The following CCDC117 variants were observed in gnomAD, a reference collection of about 807,000 sequenced individuals.
CCDC117 encodes coiled-coil domain containing 117, also known as coiled-coil domain-containing protein 117.
Under a neutral mutation model 23.5 loss-of-function variants are expected in CCDC117, and 1 was observed. That is an observed-to-expected ratio of 0.04 (90% CI 0.02 to 0.20). CCDC117 has a LOEUF of 0.20. Ranked by LOEUF, CCDC117 falls within the 10% of genes least tolerant of loss-of-function variation. The probability of loss-of-function intolerance (pLI) is 1.00; values close to 1 mark genes in which losing one functional copy is unlikely to be tolerated. For synonymous variants in CCDC117, 132 were observed against 124.8 expected (o/e 1.06, Z -0.39); for missense variants, 383 against 348.2 (o/e 1.10, Z -0.80).
chr22:28,786,333 A>G lies in CCDC117; in HGVS notation c.*7A>G, dbSNP rs377126733. The G allele has an allele frequency of 2.7e-5, 43 of 1,579,222 alleles. No individual in the cohort carries two copies. Among genetic ancestry groups the G allele is most frequent in the African/African-American group, 1.1e-4 (8 of 73,962 alleles). ...AGAAGAGATGGAACTCTAGAAACCA[A>G]TTTCTACACTAAAGTTGTCAAATGT... On this transcript the variant is annotated 3_prime_UTR_variant, in exon 5 of 5. Transcript: ENST00000249064.
Position 28,783,580 on chromosome 22 carries a change from T to C in CCDC117, c.537T>C (p.Asp179=). The C allele has an allele frequency of 6.2e-7, 1 of 1,613,700 alleles. No homozygotes were observed. Among genetic ancestry groups the C allele is most frequent in the South Asian group, 1.1e-5 (1 of 91,080 alleles). The change falls in exon 4 of 5, where the codon GAT becomes GAC. Residue 179 remains aspartate (D), a synonymous_variant. Transcript: ENST00000249064. ...ATCTCCCCAGTCTTGTCCTTTCTGATACCATGAAAACAGGTTTGAAGAGGG... is the reference window on the plus strand; with the variant it reads ...ATCTCCCCAGTCTTGTCCTTTCTGACACCATGAAAACAGGTTTGAAGAGGG... ...VNHLPSLVLS[D]TMKTGLKREF...
At chr22:28,773,319 C>G (rs527987247) in intron 1 of CCDC117, 14 of 174,918 alleles carry the variant, frequency 8.0e-5, no homozygotes. Context: ...GGAACCTGGG[C>G]GACTCGGTCT....
intron 2 of CCDC117, among the ~76,000 whole-genome samples, chr22:28,776,573 A>G (rs547370922): frequency 1.0e-4 from 15 of 148,746 alleles, no homozygotes; most frequent in Non-Finnish European, 1.9e-4. Flanking sequence ...GGCGCGTGCC[A>G]CCATGCCCAG....
At chr22:28,773,428 T>A (rs1370255626) in intron 1 of CCDC117, 1 of 375,054 alleles carries the variant, frequency 2.7e-6, no homozygotes, top group African/African-American at 2.0e-5. Flanking sequence ...CTTAGTGAGA[T>A]TATTTAAATA....
Position 28,787,423 on chromosome 22 carries a change from G to A in CCDC117, c.*1097G>A, listed in dbSNP as rs2031550565. On this transcript the variant is annotated 3_prime_UTR_variant, in exon 5 of 5. Transcript: ENST00000249064. ...CAAAATGCTGGGATTACAGGCGTGA[G>A]CCACGGCACGCAGCCAGCAAGTTGT... is the stretch of plus-strand genomic sequence containing the variant. 2 of 152,234 alleles carry A rather than the reference G, an allele frequency of 1.3e-5. No individual in the cohort carries two copies. The highest frequency in any genetic ancestry group is 4.8e-5 in the African/African-American group (2 of 41,468). 9.4% of individuals were successfully genotyped at this position (152,234 alleles called of 1,614,324 possible).
Position 28,783,602 on chromosome 22 carries a change from A to G in CCDC117, c.559A>G (p.Arg187Gly). ...TGATACCATGAAAACAGGTTTGAAG[A>G]GGGAATTTGATGAAGTTTTTACAAA... ...LSDTMKTGLKREFDEVFTKKM... is the reference protein window; with the variant it reads ...LSDTMKTGLKGEFDEVFTKKM... Residue 187 changes from arginine to glycine, a missense_variant, in exon 4 of 5, where the codon AGG becomes GGG. By Grantham distance (125) the Arg-to-Gly change is moderately radical. Transcript: ENST00000249064. 6.2e-7 allele frequency: 1 copy of G among 1,613,862 alleles called. No individual in the cohort carries two copies. Among genetic ancestry groups the G allele is most frequent in the Non-Finnish European group, 8.5e-7 (1 of 1,179,854 alleles).
intron 3 of CCDC117, among the ~76,000 whole-genome samples, 161 bp downstream of exon 3, chr22:28,781,333 T>TTG (rs2031315927): frequency 1.0e-4 from 4 of 39,832 alleles, no homozygotes; most frequent in South Asian, 2.5e-3. Flanking sequence ...TTTTTTTGTT[T>TTG]TGTTTTTTTT....
chr22:28,777,199 G>C (rs2031190088), intron 2 of CCDC117, among the ~76,000 whole-genome samples: 1 of 151,682 alleles, frequency 6.6e-6, no homozygotes, highest in Non-Finnish European at 1.5e-5. Flanking sequence ...ATAATTTTTT[G>C]TATCTTTGGT....
chr22:28,775,648 C>T (rs760043363), intron 2 of CCDC117, among the ~76,000 whole-genome samples: 81 of 152,100 alleles, frequency 5.3e-4, no homozygotes, highest in Non-Finnish European at 9.6e-4. Context: ...CCTGTAATCC[C>T]GGCACTTTGG....
rs180700061 is a variant in CCDC117 at position 28,786,880 on chromosome 22, T to G, written c.*554T>G. Reference sequence around the variant, plus strand: ...TTTAGTTATCAATTCAATATAGCTCTGTTGATTAAATAGCCGATAGTATTG... The same window carrying G: ...TTTAGTTATCAATTCAATATAGCTCGGTTGATTAAATAGCCGATAGTATTG... On this transcript the variant is annotated 3_prime_UTR_variant, in exon 5 of 5. Coordinates refer to ENST00000249064, the MANE Select transcript of CCDC117 (RefSeq NM_173510.4). 437 of 153,000 alleles carry G rather than the reference T, an allele frequency of 2.9e-3. 2 individuals carry two copies. The highest frequency in any genetic ancestry group is 0.014 in the Middle Eastern group (4 of 294). 9.5% of individuals were successfully genotyped at this position (153,000 alleles called of 1,614,324 possible).
chr22:28,780,413 A>G (rs1193527701), intron 2 of CCDC117, among the ~76,000 whole-genome samples: 1 of 152,212 alleles, frequency 6.6e-6, no homozygotes, highest in Non-Finnish European at 1.5e-5. Flanking sequence ...ATCTTCCTAT[A>G]TGTTTGATGG....
Position 28,772,834 on chromosome 22 carries a change from C to T in CCDC117, c.-16C>T. 1.6e-6 allele frequency: 2 copies of T among 1,225,802 alleles called. No homozygotes were observed. Among genetic ancestry groups the T allele is most frequent in the Admixed American group, 4.3e-5 (1 of 23,276 alleles). 75.9% of individuals were successfully genotyped at this position (1,225,802 alleles called of 1,614,324 possible). A position where few individuals can be genotyped will look rare whatever the true frequency, so the allele number is the denominator to read the frequency against. On this transcript the variant is annotated 5_prime_UTR_variant, in exon 1 of 5. Coordinates refer to ENST00000249064, the MANE Select transcript of CCDC117 (RefSeq NM_173510.4). ...GCGGCCGAGGCCGCCGTCGCAGCCT[C>T]CTCGTCTCGCCGGCTATGGCTGCGC...
intron 2 of CCDC117, among the ~76,000 whole-genome samples, chr22:28,776,484 G>A (rs187157824): frequency 4.5e-4 from 68 of 151,448 alleles, no homozygotes; most frequent in Middle Eastern, 3.4e-3. Context: ...GTGCAGTAGC[G>A]CAGGCTCAGC....
intron 2 of CCDC117, among the ~76,000 whole-genome samples, chr22:28,779,979 C>T (rs1282214180): frequency 2.6e-5 from 4 of 152,190 alleles, no homozygotes; most frequent in East Asian, 1.9e-4. Flanking sequence ...GCAAATACTA[C>T]TTGGTGGTAA....
chr22:28,776,873 C>T (rs193107990), intron 2 of CCDC117, among the ~76,000 whole-genome samples: 266 of 149,234 alleles, frequency 1.8e-3, no homozygotes, highest in African/African-American at 6.2e-3. Context: ...CGTGAGCCAC[C>T]GCACCCAACC....
intron 2 of CCDC117, among the ~76,000 whole-genome samples, chr22:28,774,066 T>G (rs532576138): frequency 7.8e-6 from 1 of 128,716 alleles, no homozygotes; most frequent in East Asian, 3.2e-4. Flanking sequence ...AAAGTTTTGT[T>G]TTTGTTTTTT....
chr22:28,779,987 T>A (rs1204833659), intron 2 of CCDC117, among the ~76,000 whole-genome samples: 3 of 152,204 alleles, frequency 2.0e-5, no homozygotes, highest in Non-Finnish European at 4.4e-5. Flanking sequence ...TACTTGGTGG[T>A]AAGCACTTGA....
intron 4 of CCDC117, among the ~76,000 whole-genome samples, chr22:28,784,503 AC>A (rs1365200344): frequency 3.3e-5 from 5 of 152,236 alleles, no homozygotes; most frequent in Admixed American, 6.5e-5. Context: ...GCCTCTTAGG[AC>A]ACCAGTCAGT....
In CCDC117 at chr22:28,772,754, G is replaced by A. The variant is rs2031019042; in HGVS notation, c.-96G>A. 3 of 1,008,626 alleles carry A rather than the reference G, an allele frequency of 3.0e-6. No homozygotes were observed. The highest frequency in any genetic ancestry group is 1.7e-5 in the African/African-American group (1 of 59,374). 62.5% of individuals were successfully genotyped at this position (1,008,626 alleles called of 1,614,324 possible). ...ACGTGGGGTCGAGAGCGGGATCCGAGGCTGGCGGGTTTTGGCAGTAGCTGT... is the reference window on the plus strand; with the variant it reads ...ACGTGGGGTCGAGAGCGGGATCCGAAGCTGGCGGGTTTTGGCAGTAGCTGT... On this transcript the variant is annotated 5_prime_UTR_variant, in exon 1 of 5. Transcript: ENST00000249064.
Sources: allele counts gnomAD v4.1 joint callset (sites outside exome capture counted in the v4.1 genomes callset), GRCh38; gene constraint gnomAD v4.1.1; transcripts MANE v1.5; gene names NCBI Gene and HGNC (gene_info 2026-07-23, HGNC 2026-07-21).